CACNA1G: variants seen among roughly 807,000 people sequenced by gnomAD.
CACNA1G encodes the protein calcium voltage-gated channel subunit alpha1 G.
A neutral mutation model predicts 219.4 loss-of-function variants in CACNA1G; 67 were observed. That is an observed-to-expected ratio of 0.31 (90% CI 0.25 to 0.37). CACNA1G has a LOEUF of 0.37. CACNA1G is among the 10% of genes least tolerant of loss of function. The pLI is 1.00. For missense variants in CACNA1G, 2,380 were observed against 3,231.4 expected, an observed-to-expected ratio of 0.74 and a Z score of 6.39; for synonymous variants, 1,296 against 1,345.3, an observed-to-expected ratio of 0.96 and a Z score of 0.80.
rs923410799 is a variant in CACNA1G, at chr17:50,596,340, C to T, written c.2980-222C>T. Reference sequence around the variant, plus strand: ...TGCTGTGGGCTCACATAAGCTGTGGCCTTTTCTGAGGTGTGGCTGGAGAGG... The same window carrying T: ...TGCTGTGGGCTCACATAAGCTGTGGTCTTTTCTGAGGTGTGGCTGGAGAGG... On this transcript the variant is annotated intron_variant, in intron 14 of 37. Transcript: ENST00000359106. The surrounding 1 kb of genome is among the most constrained non-coding windows in gnomAD (Gnocchi z 4.8). Among the ~76,000 whole-genome samples the T allele has an allele frequency of 1.3e-5, 2 of 152,164 alleles. No individual in the cohort carries two copies. Among genetic ancestry groups the T allele is most frequent in the African/African-American group, 4.8e-5 (2 of 41,428 alleles).
In CACNA1G at chr17:50,604,073, T is replaced by C. The variant is rs958350009; in HGVS notation, c.4170-82T>C. The stretch of plus-strand genomic sequence containing the variant: ...CCAGGAAGGGACCAGTGGTCAAGGT[T>C]GGGGGTGGGGAGCAGGGTCAAGGGA... On this transcript the variant is annotated intron_variant, in intron 21 of 37. Transcript: ENST00000359106. 17 of 1,443,738 alleles carry C rather than the reference T, an allele frequency of 1.2e-5. No homozygotes were observed. In the South Asian group the frequency reaches 1.7e-4, roughly 15 times the overall value. 89.4% of individuals were successfully genotyped at this position (1,443,738 alleles called of 1,614,324 possible).
intron 14 of CACNA1G, among the ~76,000 whole-genome samples, chr17:50,595,748 C>G (rs1250111849): frequency 2.6e-5 from 4 of 152,248 alleles, no homozygotes; most frequent in Non-Finnish European, 5.9e-5. Flanking sequence ...CTGTGGGACC[C>G]CATGGTGCTG....
intron 9 of CACNA1G, among the ~76,000 whole-genome samples, chr17:50,587,689 C>T (rs1265542610): frequency 6.6e-6 from 1 of 152,250 alleles, no homozygotes; most frequent in Non-Finnish European, 1.5e-5. Context: ...AGGCCCCTTT[C>T]CACCTGCATC....
In CACNA1G at chr17:50,618,549, C is replaced by A; in HGVS notation, c.5428-106C>A. 9.4e-7 allele frequency: 1 copy of A among 1,063,458 alleles called. No homozygotes were observed. Among genetic ancestry groups the A allele is most frequent in the Non-Finnish European group, 1.4e-6 (1 of 718,846 alleles). 65.9% of individuals were successfully genotyped at this position (1,063,458 alleles called of 1,614,324 possible). A position where few individuals can be genotyped will look rare whatever the true frequency, so the allele number is the denominator to read the frequency against. ...CCCCCAAACACTCCCTCCTCCTCCC[C>A]TTCCTTCCCATCCTCCAATGCTCTG... On this transcript the variant is annotated intron_variant, in intron 32 of 37. Transcript: ENST00000359106. The surrounding 1 kb of genome is among the most constrained non-coding windows in gnomAD (Gnocchi z 5.3).
In CACNA1G at chr17:50,596,893, G is replaced by A. The variant is rs1251689080; in HGVS notation, c.3228G>A (p.Glu1076=). The A allele has an allele frequency of 1.1e-5, 17 of 1,573,886 alleles. No individual in the cohort carries two copies. Among genetic ancestry groups the A allele is most frequent in the Non-Finnish European group, 1.5e-5 (17 of 1,159,970 alleles). The part of the protein sequence containing the change: ...SRRTSSSGSA[E]PGAAHEMKSP... Reference sequence around the variant, plus strand: ...GCACCAGCAGCAGCGGGTCGGCAGAGCCTGGGGCGGCCCACGAGATGAAGT... The same window carrying A: ...GCACCAGCAGCAGCGGGTCGGCAGAACCTGGGGCGGCCCACGAGATGAAGT... The change falls in exon 16 of 38, where the codon GAG becomes GAA. Residue 1076 remains glutamate (E), a synonymous_variant. Transcript: ENST00000359106. The surrounding 1 kb of genome is among the most constrained non-coding windows in gnomAD (Gnocchi z 4.8).
chr17:50,624,743 G>C (rs1014715100), intron 37 of CACNA1G, among the ~76,000 whole-genome samples: 3 of 152,236 alleles, frequency 2.0e-5, no homozygotes, highest in Non-Finnish European at 4.4e-5. Context: ...GTTCCACTGA[G>C]GAGGCCTGGA....
rs2050776093 is a variant in CACNA1G at position 50,617,187 on chromosome 17, G to T, written c.5022-251G>T. Among the ~76,000 whole-genome samples, 1 of 152,176 alleles carries T rather than the reference G, an allele frequency of 6.6e-6. No homozygotes were observed. The highest frequency in any genetic ancestry group is 2.4e-5 in the African/African-American group (1 of 41,436). On this transcript the variant is annotated intron_variant, in intron 28 of 37. Transcript: ENST00000359106. This position sits in a 1 kb window ranked among gnomAD's most constrained non-coding sequence, Gnocchi z 5.8. ...CTGGTGCATAGTGAACACCATATAA[G>T]TGCTAAATTAAAAATAAAAGCAAAT...
chr17:50,594,135 C>T (rs1011352803), intron 13 of CACNA1G, among the ~76,000 whole-genome samples: 6 of 152,212 alleles, frequency 3.9e-5, no homozygotes, highest in East Asian at 3.8e-4. Context: ...GCCTTGCTAC[C>T]TTGCCAAGAG....
At position 50,568,870 on chromosome 17, in the gene CACNA1G, C is replaced by T; in HGVS notation, c.243C>T (p.Pro81=). 1.2e-6 allele frequency: 2 copies of T among 1,613,324 alleles called. No individual in the cohort carries two copies. Among genetic ancestry groups the T allele is most frequent in the East Asian group, 2.2e-5 (1 of 44,880 alleles). Residue 81 remains proline (P), a splice_region_variant and synonymous_variant, in exon 2 of 38, where the codon CCC becomes CCT. Coordinates refer to ENST00000359106, the MANE Select transcript of CACNA1G (RefSeq NM_018896.5). ...RSWCLRTVCN[P]WFERISMLVI... ...CAGCTGTTTCCTTGACTGCCAGTACCTGGTTTGAGCGCATCAGCATGTTGG... is the reference window on the plus strand; with the variant it reads ...CAGCTGTTTCCTTGACTGCCAGTACTTGGTTTGAGCGCATCAGCATGTTGG...
chr17:50,618,025 C>T lies in CACNA1G; in HGVS notation c.5227-23C>T. The T allele has an allele frequency of 1.2e-6, 2 of 1,613,672 alleles. No homozygotes were observed. The highest frequency in any genetic ancestry group is 1.7e-6 in the Non-Finnish European group (2 of 1,179,656). On this transcript the variant is annotated intron_variant, in intron 30 of 37. Coordinates refer to ENST00000359106, the MANE Select transcript of CACNA1G (RefSeq NM_018896.5). This position sits in a 1 kb window ranked among gnomAD's most constrained non-coding sequence, Gnocchi z 5.3. ...ACTGGGAGACCCAGCGGCATCGTTT[C>T]TATTTCTTCTCCTTTTTTCCAGGTG... is the stretch of plus-strand genomic sequence containing the variant.
chr17:50,571,993 A>G lies in CACNA1G; in HGVS notation c.702A>G (p.Ala234=), dbSNP rs765476118. The stretch of plus-strand genomic sequence containing the variant: ...GCATCGTCGGCGTCCAGCTGTGGGC[A>G]GGGCTGCTTCGGAACCGATGCTTCC... The part of the protein sequence containing the change: ...IFGIVGVQLW[A]GLLRNRCFLP... The change falls in exon 5 of 38, where the codon GCA becomes GCG. Residue 234 remains alanine, a synonymous_variant. Transcript: ENST00000359106. This position sits in a 1 kb window ranked among gnomAD's most constrained non-coding sequence, Gnocchi z 4.3. The G allele has an allele frequency of 3.7e-6, 6 of 1,613,936 alleles. No individual in the cohort carries two copies. Among genetic ancestry groups the G allele is most frequent in the Non-Finnish European group, 5.1e-6 (6 of 1,179,830 alleles).
chr17:50,624,324 T>TGCCCCCCCCCCCCC, intron 36 of CACNA1G, 36 bp from the exon 37 acceptor site: 17 of 1,177,576 alleles, frequency 1.4e-5, no homozygotes, highest in East Asian at 2.7e-5. Context: ...CTCCATTCTC[T>TGCCCCCCCCCCCCC]CCCCCCACCC....
rs373982079 is a variant in CACNA1G, at chr17:50,622,796, C to T, written c.6060+1002C>T. ...CAGAGCAACAACCCCACTCCCACCC[C>T]GAGTCTGTCCACTAAGGGAGCAGCT... On this transcript the variant is annotated intron_variant, in intron 35 of 37. Coordinates refer to ENST00000359106, the MANE Select transcript of CACNA1G (RefSeq NM_018896.5). Among the ~76,000 whole-genome samples the T allele has an allele frequency of 8.1e-3, 1,235 of 152,286 alleles. 12 individuals are homozygous for T. The highest frequency in any genetic ancestry group is 0.016 in the South Asian group (79 of 4,830).
intron 35 of CACNA1G, among the ~76,000 whole-genome samples, chr17:50,622,709 T>C (rs982591463): frequency 3.3e-5 from 5 of 152,126 alleles, no homozygotes; most frequent in Admixed American, 1.3e-4. Context: ...GAGAAACCTC[T>C]TGAGAACAAA....
intron 1 of CACNA1G, among the ~76,000 whole-genome samples, chr17:50,566,612 G>C (rs1327175934): frequency 6.6e-6 from 1 of 152,244 alleles, no homozygotes; most frequent in Non-Finnish European, 1.5e-5. Context: ...CCTTCCCCCA[G>C]TTATAAGCAG....
intron 16 of CACNA1G, among the ~76,000 whole-genome samples, chr17:50,598,087 G>A (rs954570720): frequency 3.3e-5 from 5 of 152,014 alleles, no homozygotes; most frequent in Admixed American, 6.6e-5. Context: ...GCAGTGGCAC[G>A]ATCTCAACTC....
chr17:50,562,134 TG>T (rs1313188539), intron 1 of CACNA1G: 1 of 1,006 alleles, frequency 9.9e-4, no homozygotes, highest in Non-Finnish European at 1.8e-3. Flanking sequence ...GGGGGGTGGG[TG>T]GGGGCGGTGG....
chr17:50,561,624 G>C lies in CACNA1G; in HGVS notation c.165G>C (p.Ala55=). The change falls in exon 1 of 38, where the codon GCG becomes GCC. Residue 55 remains alanine (A), a synonymous_variant. Transcript: ENST00000359106. ...AGGCGGAGGGGCTGCCGTACCCGGC[G>C]CTGGCCCCGGTGGTTTTCTTCTACT... ...DSEAEGLPYP[A]LAPVVFFYLS... 6.3e-7 allele frequency: 1 copy of C among 1,599,628 alleles called. No homozygotes were observed. Among genetic ancestry groups the C allele is most frequent in the Non-Finnish European group, 8.5e-7 (1 of 1,174,184 alleles).
chr17:50,581,672 GGA>G (rs1196083113), intron 9 of CACNA1G, among the ~76,000 whole-genome samples: 1 of 152,248 alleles, frequency 6.6e-6, no homozygotes, highest in East Asian at 1.9e-4. Context: ...ACCAGCTGGA[GGA>G]GAACTGGCAG....
Sources: allele counts gnomAD v4.1 joint callset (sites outside exome capture counted in the v4.1 genomes callset), GRCh38; gene constraint gnomAD v4.1.1; non-coding constraint Gnocchi (gnomAD v3.1); transcripts MANE v1.5; gene names NCBI Gene and HGNC (gene_info 2026-07-23, HGNC 2026-07-21).